Variants in OR8G5 observed in about 807,000 individuals in gnomAD.
OR8G5 encodes the protein olfactory receptor 8G5.
For synonymous variants in OR8G5, 147 were observed against 147.7 expected (o/e 1.00, Z 0.03); for missense variants, 347 against 371.9 (o/e 0.93, Z 0.55).
intron 1 of OR8G5, among the ~76,000 whole-genome samples, chr11:124,259,009 A>G (rs1026888891): frequency 2.0e-5 from 3 of 152,184 alleles, no homozygotes; most frequent in Non-Finnish European, 4.4e-5. Flanking sequence ...TATATAAACT[A>G]CACTCAAACC....
intron 1 of OR8G5, among the ~76,000 whole-genome samples, chr11:124,259,465 TATTA>T (rs772195180): frequency 2.6e-5 from 4 of 152,172 alleles, no homozygotes; most frequent in Non-Finnish European, 5.9e-5. Context: ...TGCTCAAAGT[TATTA>T]ATTCTACAAA....
rs527659378 is a variant in OR8G5 at position 124,265,409 on chromosome 11, A to G, written c.478A>G (p.Ile160Val). Residue 160 changes from isoleucine to valine, a missense_variant, in exon 2 of 2, where the codon ATA becomes GTA. Ile to Val is a conservative substitution (Grantham distance 29, BLOSUM62 3). Coordinates refer to ENST00000641992, the MANE Select transcript of OR8G5 (RefSeq NM_001005198.2). ...VIGLICASAH[I>V]GCMFRVQFCK... ...AGGCCTGATTTGTGCGTCAGCTCAT[A>G]TAGGCTGTATGTTTAGGGTTCAATT... is the stretch of plus-strand genomic sequence containing the variant. 7.4e-6 allele frequency: 12 copies of G among 1,614,026 alleles called. No homozygotes were observed. The Admixed American group carries it at 8.3e-5, about 11-fold the overall frequency.
intron 1 of OR8G5, among the ~76,000 whole-genome samples, chr11:124,258,619 G>T (rs1304794808): frequency 6.6e-6 from 1 of 151,866 alleles, no homozygotes; most frequent in African/African-American, 2.4e-5. Context: ...TAAACATAAA[G>T]TTCAAAATTT....
chr11:124,263,214 A>G (rs998600325), intron 1 of OR8G5, among the ~76,000 whole-genome samples: 1 of 152,158 alleles, frequency 6.6e-6, no homozygotes, highest in African/African-American at 2.4e-5. Context: ...TATTTTAGAT[A>G]AAAGTCCTCT....
chr11:124,265,627 G>T lies in OR8G5; in HGVS notation c.696G>T (p.Glu232Asp). 1 of 1,613,876 alleles carries T rather than the reference G, an allele frequency of 6.2e-7. No homozygotes were observed. Among genetic ancestry groups the T allele is most frequent in the Non-Finnish European group, 8.5e-7 (1 of 1,179,890 alleles). The part of the protein sequence containing the change: ...IASILRIRYT[E>D]GRSKAFSTCS... ...GCATCCTCCGCATTCGCTACACTGA[G>T]GGCAGGTCCAAAGCCTTCAGCACTT... Residue 232 changes from glutamate to aspartate, a missense_variant, in exon 2 of 2, where the codon GAG becomes GAT. By Grantham distance (45) the Glu-to-Asp change is conservative (BLOSUM62 2). Transcript: ENST00000641992.
intron 1 of OR8G5, among the ~76,000 whole-genome samples, chr11:124,263,655 A>G (rs973242341): frequency 1.2e-4 from 18 of 151,946 alleles, no homozygotes; most frequent in Admixed American, 6.6e-5. Flanking sequence ...AGCTTAATCC[A>G]TGTTCTTTCT....
intron 1 of OR8G5, among the ~76,000 whole-genome samples, chr11:124,262,613 TTG>T (rs1206030988): frequency 1.3e-5 from 2 of 151,924 alleles, no homozygotes; most frequent in Admixed American, 6.6e-5. Context: ...TTAAACGTAT[TTG>T]TGATTTATAT....
Position 124,264,964 on chromosome 11 carries a change from GT to G in OR8G5, c.36del (p.Phe12LeufsTer6). ...AAENHSFVTK[F>X]ILVGLTEKSE... ...CAGAAAACCATTCTTTTGTGACTAA[GT>G]TTATTCTGGTTGGGCTAACAGAGAA... On this transcript the variant is annotated frameshift_variant, in exon 2 of 2. Coordinates refer to ENST00000641992, the MANE Select transcript of OR8G5 (RefSeq NM_001005198.2). LOFTEE classifies it low-confidence loss of function (END_TRUNC). The G allele has an allele frequency of 6.2e-7, 1 of 1,613,904 alleles. No homozygotes were observed. Among genetic ancestry groups the G allele is most frequent in the African/African-American group, 1.3e-5 (1 of 75,016 alleles).
At chr11:124,257,494 A>AT (rs769080075) in intron 1 of OR8G5, among the ~76,000 whole-genome samples, 5 of 152,118 alleles carry the variant, frequency 3.3e-5, no homozygotes, top group Non-Finnish European at 7.4e-5. Flanking sequence ...GGTAGACATT[A>AT]TTTTGTAAAT....
intron 1 of OR8G5, among the ~76,000 whole-genome samples, chr11:124,263,911 A>C (rs2137760842): frequency 6.6e-6 from 1 of 152,250 alleles, no homozygotes; most frequent in South Asian, 2.1e-4. Flanking sequence ...AAAGGGGATC[A>C]CACTTGTAAT....
chr11:124,260,569 T>C (rs1861960307), intron 1 of OR8G5, among the ~76,000 whole-genome samples: 1 of 151,904 alleles, frequency 6.6e-6, no homozygotes, highest in South Asian at 2.1e-4. Flanking sequence ...TGTTTAGATG[T>C]TATATCCAGC....
chr11:124,262,674 T>TAC (rs377046056), intron 1 of OR8G5, among the ~76,000 whole-genome samples: 37 of 151,196 alleles, frequency 2.4e-4, no homozygotes, highest in Middle Eastern at 3.4e-3. Context: ...TATGTACATA[T>TAC]ACACACACAC....
rs1862012651 is a variant in OR8G5, at chr11:124,264,981, T to A, written c.50T>A (p.Leu17Gln). 1 of 1,613,978 alleles carries A rather than the reference T, an allele frequency of 6.2e-7. No individual in the cohort carries two copies. The stretch of plus-strand genomic sequence containing the variant: ...GTGACTAAGTTTATTCTGGTTGGGC[T>A]AACAGAGAAGTCAGAGCTACAGCTG... ...SFVTKFILVG[L>Q]TEKSELQLPL... Residue 17 changes from leucine to glutamine, a missense_variant, in exon 2 of 2, where the codon CTA becomes CAA. By Grantham distance (113) the Leu-to-Gln change is moderately radical. Transcript: ENST00000641992.
At chr11:124,257,614 CT>C (rs1230343515) in intron 1 of OR8G5, among the ~76,000 whole-genome samples, 2 of 152,152 alleles carry the variant, frequency 1.3e-5, no homozygotes, top group African/African-American at 4.8e-5. Context: ...CAGGTAATCT[CT>C]TGGAGCTGCC....
In OR8G5 at chr11:124,265,603, C is replaced by T. The variant is rs1458007113; in HGVS notation, c.672C>T (p.Ser224=). ...ILSSYIFIIA[S]ILRIRYTEGR... ...GCTCTTACATCTTCATCATTGCCAGCATCCTCCGCATTCGCTACACTGAGG... is the reference window on the plus strand; with the variant it reads ...GCTCTTACATCTTCATCATTGCCAGTATCCTCCGCATTCGCTACACTGAGG... Residue 224 remains serine, a synonymous_variant, in exon 2 of 2, where the codon AGC becomes AGT. Coordinates refer to ENST00000641992, the MANE Select transcript of OR8G5 (RefSeq NM_001005198.2). The T allele has an allele frequency of 5.6e-6, 9 of 1,613,898 alleles. No homozygotes were observed. In the Middle Eastern group the frequency reaches 5.0e-4, roughly 89 times the overall value.
In OR8G5 at chr11:124,265,449, T is replaced by A. The variant is rs1276989477; in HGVS notation, c.518T>A (p.Val173Glu). Residue 173 changes from valine (V) to glutamate (E), a missense_variant, in exon 2 of 2, where the codon GTG becomes GAG. Coordinates refer to ENST00000641992, the MANE Select transcript of OR8G5 (RefSeq NM_001005198.2). ...AGGGTTCAATTCTGCAAATTTGATG[T>A]GATCAACCATTATTTCTGTGATCTT... ...MFRVQFCKFD[V>E]INHYFCDLIS... 6.2e-7 allele frequency: 1 copy of A among 1,614,034 alleles called. No individual in the cohort carries two copies. The highest frequency in any genetic ancestry group is 1.7e-5 in the Admixed American group (1 of 60,028).
At chr11:124,263,647 C>T (rs1288451360) in intron 1 of OR8G5, among the ~76,000 whole-genome samples, 2 of 151,918 alleles carry the variant, frequency 1.3e-5, no homozygotes, top group Non-Finnish European at 2.9e-5. Flanking sequence ...TGGTTTCCAG[C>T]TTAATCCATG....
intron 1 of OR8G5, 146 bp downstream of exon 1, chr11:124,256,780 T>C (rs1191733388): frequency 6.6e-6 from 1 of 152,222 alleles, no homozygotes; most frequent in Non-Finnish European, 1.5e-5. Context: ...AAACTTTCAG[T>C]GATTTGCCAG....
rs999884005 is a variant in OR8G5, at chr11:124,265,629, G to C, written c.698G>C (p.Gly233Ala). 16 of 1,613,758 alleles carry C rather than the reference G, an allele frequency of 9.9e-6. No individual in the cohort carries two copies. Among genetic ancestry groups the C allele is most frequent in the Non-Finnish European group, 1.4e-5 (16 of 1,179,882 alleles). The change falls in exon 2 of 2, where the codon GGC becomes GCC. Residue 233 changes from glycine to alanine, a missense_variant. Coordinates refer to ENST00000641992, the MANE Select transcript of OR8G5 (RefSeq NM_001005198.2). ...ATCCTCCGCATTCGCTACACTGAGGGCAGGTCCAAAGCCTTCAGCACTTGC... is the reference window on the plus strand; with the variant it reads ...ATCCTCCGCATTCGCTACACTGAGGCCAGGTCCAAAGCCTTCAGCACTTGC... ...ASILRIRYTE[G>A]RSKAFSTCSS...
Sources: allele counts gnomAD v4.1 joint callset (sites outside exome capture counted in the v4.1 genomes callset), GRCh38; gene constraint gnomAD v4.1.1; transcripts MANE v1.5; gene names NCBI Gene and HGNC (gene_info 2026-07-23, HGNC 2026-07-21).